Variants in FGF14 observed in about 807,000 individuals in gnomAD.
FGF14 encodes fibroblast growth factor homologous factor 4.
A neutral mutation model predicts 25.5 loss-of-function variants in FGF14; 5 were observed. The ratio of observed to expected loss-of-function variants is 0.20; its 90% CI spans 0.10 to 0.41. FGF14 has a LOEUF of 0.41. Among genes scored for constraint, FGF14 ranks in the 10% least tolerant of loss-of-function variants. The pLI is 1.00. For synonymous variants in FGF14, 138 were observed against 118.3 expected (o/e 1.17, Z -1.08); for missense variants, 222 against 320.1 (o/e 0.69, Z 2.34).
intron 1 of FGF14, among the ~76,000 whole-genome samples, chr13:102,281,690 C>CTT (rs539883822): frequency 1.5e-5 from 2 of 135,070 alleles, no homozygotes; most frequent in African/African-American, 2.7e-5. Context: ...ATCCTAACTT[C>CTT]TTTTTTTTTT....
intron 1 of FGF14, among the ~76,000 whole-genome samples, chr13:102,161,655 GAA>G (rs2047737525): frequency 5.2e-5 from 1 of 19,286 alleles, no homozygotes. Context: ...AGAAGAAGAA[GAA>G]GAAGAAGAAG....
intron 1 of FGF14, among the ~76,000 whole-genome samples, chr13:102,180,849 C>T (rs1158275002): frequency 1.3e-5 from 2 of 152,134 alleles, no homozygotes; most frequent in Admixed American, 1.3e-4. Flanking sequence ...CTAAATCTGG[C>T]AAACCTTGTT....
intron 1 of FGF14, among the ~76,000 whole-genome samples, chr13:101,912,206 A>G (rs527379316): frequency 1.3e-5 from 2 of 152,118 alleles, no homozygotes; most frequent in African/African-American, 4.8e-5. Context: ...TTAACTTGAA[A>G]ACACATTTTA....
intron 3 of FGF14, among the ~76,000 whole-genome samples, chr13:101,761,834 C>T (rs1429576661): frequency 6.6e-6 from 1 of 152,174 alleles, no homozygotes; most frequent in Non-Finnish European, 1.5e-5. Context: ...GTAGGCATTT[C>T]TCTGCCATTA....
chr13:101,966,121 A>T (rs1290208489), intron 1 of FGF14, among the ~76,000 whole-genome samples: 1 of 152,200 alleles, frequency 6.6e-6, no homozygotes, highest in Admixed American at 6.5e-5. Flanking sequence ...GAAGTTTTAA[A>T]CTCCATTTTC....
chr13:101,921,026 T>A (rs1014591422), upstream of FGF14, among the ~76,000 whole-genome samples: 1 of 151,404 alleles, frequency 6.6e-6, no homozygotes, highest in Non-Finnish European at 1.5e-5. Context: ...TCCCTCTACC[T>A]GGAAAATTTC....
chr13:101,755,367 G>C (rs939169719), intron 3 of FGF14, among the ~76,000 whole-genome samples: 2 of 150,556 alleles, frequency 1.3e-5, no homozygotes, highest in South Asian at 2.1e-4. Flanking sequence ...GGCGAGGCAT[G>C]GTGTTTCATG....
chr13:101,842,750 T>C (rs1040345292), intron 3 of FGF14, among the ~76,000 whole-genome samples: 1 of 152,074 alleles, frequency 6.6e-6, no homozygotes, highest in Non-Finnish European at 1.5e-5. Context: ...TGTTTCATCA[T>C]GGTTTTAGTC....
rs376428833 is a variant in FGF14 at position 101,948,923 on chromosome 13, G to C, written c.209-73627C>G. On this transcript the variant is annotated intron_variant, in intron 1 of 4. Transcript: ENST00000376131. ...TTCTGTCTTATTTTTTAAAATCACT[G>C]TTCCATACTCTTAAGCCCAATTCAA... 2.0e-5 allele frequency among the ~76,000 whole-genome samples: 3 copies of C among 151,934 alleles called. No individual in the cohort carries two copies. In the East Asian group the frequency reaches 5.8e-4, roughly 29 times the overall value.
At chr13:102,379,350 G>A (rs1298556952) in intron 1 of FGF14, among the ~76,000 whole-genome samples, 1 of 151,298 alleles carries the variant, frequency 6.6e-6, no homozygotes, top group African/African-American at 2.4e-5. Flanking sequence ...AACAGCAAAG[G>A]TACATATGTT....
intron 3 of FGF14, among the ~76,000 whole-genome samples, chr13:101,785,352 T>C (rs967057294): frequency 2.1e-5 from 3 of 140,142 alleles, no homozygotes; most frequent in Admixed American, 2.1e-4. Context: ...TCCCAAAGAT[T>C]AAAAAAAAAA....
chr13:101,741,461 G>A (rs2036551629), intron 3 of FGF14, among the ~76,000 whole-genome samples: 1 of 152,050 alleles, frequency 6.6e-6, no homozygotes. Context: ...TTCCCAGTCA[G>A]TGAATCCATT....
chr13:102,241,909 T>C (rs527782065), intron 1 of FGF14, among the ~76,000 whole-genome samples: 18 of 152,226 alleles, frequency 1.2e-4, no homozygotes, highest in Non-Finnish European at 2.4e-4. Context: ...GTATTTAAGA[T>C]TCAAAGAATC....
At chr13:102,232,136 T>G (rs1191490894) in intron 1 of FGF14, among the ~76,000 whole-genome samples, 1 of 152,150 alleles carries the variant, frequency 6.6e-6, no homozygotes, top group African/African-American at 2.4e-5. Context: ...CCTCAATAAT[T>G]TACACCTAAG....
chr13:102,135,447 T>C (rs2046373225), intron 1 of FGF14, among the ~76,000 whole-genome samples: 2 of 152,190 alleles, frequency 1.3e-5, no homozygotes, highest in Non-Finnish European at 2.9e-5. Flanking sequence ...TTTACAGGAA[T>C]GCAATTACAA....
intron 1 of FGF14, among the ~76,000 whole-genome samples, chr13:102,149,892 C>G (rs1273510490): frequency 1.3e-5 from 2 of 152,168 alleles, no homozygotes; most frequent in African/African-American, 4.8e-5. Flanking sequence ...TCACAGGCCC[C>G]TGTTCTAAAG....
intron 1 of FGF14, among the ~76,000 whole-genome samples, chr13:102,152,806 T>C (rs1262584868): frequency 6.6e-6 from 1 of 152,198 alleles, no homozygotes; most frequent in African/African-American, 2.4e-5. Context: ...CTTTGTGCAG[T>C]GATGTGGAAG....
rs1281519119 is a variant in FGF14 at position 102,394,459 on chromosome 13, G to T, written c.208+7012C>A. 2.6e-5 allele frequency: 4 copies of T among 152,338 alleles called. No individual in the cohort carries two copies. The East Asian group carries it at 7.7e-4, about 29-fold the overall frequency. 9.4% of individuals were successfully genotyped at this position (152,338 alleles called of 1,614,324 possible). A position where few individuals can be genotyped will look rare whatever the true frequency, so the allele number is the denominator to read the frequency against. On this transcript the variant is annotated intron_variant, in intron 1 of 4. Transcript: ENST00000376131. ...CTGCCAGGGCAGGAGCCCTAGCCCC[G>T]ACCCGCGCCCCAAGTCTCTCCCGCG... is the stretch of plus-strand genomic sequence containing the variant.
At chr13:102,055,504 T>C (rs1259193875) in intron 1 of FGF14, among the ~76,000 whole-genome samples, 1 of 152,218 alleles carries the variant, frequency 6.6e-6, no homozygotes, top group Non-Finnish European at 1.5e-5. Context: ...AGGCTTGTTA[T>C]CCTACTTGGA....
Sources: gnomAD v4.1 joint callset for allele counts (sites outside exome capture counted in the v4.1 genomes callset) on GRCh38, gnomAD v4.1.1 for gene constraint, MANE v1.5 for transcripts, NCBI Gene and HGNC (gene_info 2026-07-23, HGNC 2026-07-21) for gene names.